The following CCDC158 variants were observed in gnomAD, a reference collection of about 807,000 sequenced individuals.
CCDC158 encodes the protein coiled-coil domain-containing protein 158.
In CCDC158, 116 loss-of-function variants were observed where a neutral mutation model predicts 138.6. That is an observed-to-expected ratio of 0.84 (90% CI 0.72 to 0.98). The LOEUF (loss-of-function observed/expected upper bound fraction) is 0.98, where lower values mean the gene tolerates loss of function less well. Among genes scored for constraint, CCDC158 ranks in the 50% least tolerant of loss-of-function variants. The pLI is 0.00. For synonymous variants in CCDC158, 436 were observed against 442.4 expected (o/e 0.99, Z 0.18); for missense variants, 1,265 against 1,306.1 (o/e 0.97, Z 0.48).
chr4:76,349,632 C>T (rs1039062321), intron 18 of CCDC158, among the ~76,000 whole-genome samples: 7 of 152,132 alleles, frequency 4.6e-5, no homozygotes, highest in African/African-American at 1.7e-4. Flanking sequence ...TGCACCATTG[C>T]ACTCCAGCCT....
intron 24 of CCDC158, among the ~76,000 whole-genome samples, chr4:76,320,575 T>A (rs1171629121): frequency 6.6e-6 from 1 of 152,148 alleles, no homozygotes; most frequent in Non-Finnish European, 1.5e-5. Flanking sequence ...AACAGCATGG[T>A]ACTGGTATAA....
rs80317288 is a variant in CCDC158, at chr4:76,375,265, A to G, written c.1030-3729T>C. On this transcript the variant is annotated intron_variant, in intron 9 of 24. Coordinates refer to ENST00000682701, the MANE Select transcript of CCDC158 (RefSeq NM_001394954.1). ...ATGAATGCACTTTTTGGTTTGGATC[A>G]CTGGACAAATGAGTATTGGGATTTC... The G allele has an allele frequency of 4.7e-3, 1,583 of 333,550 alleles. 20 individuals are homozygous for G. The highest frequency in any genetic ancestry group is 0.03 in the African/African-American group (1,402 of 47,420). The allele number at this position is 333,550 out of a possible 1,614,324, so 20.7% of individuals were successfully genotyped here.
chr4:76,321,015 G>A lies in CCDC158; in HGVS notation c.3277+2287C>T, dbSNP rs1197210014. Among the ~76,000 whole-genome samples the A allele has an allele frequency of 7.2e-5, 11 of 152,214 alleles. No individual in the cohort carries two copies. In the East Asian group the frequency reaches 2.1e-3, roughly 29 times the overall value. On this transcript the variant is annotated intron_variant, in intron 24 of 24. Transcript: ENST00000682701. ...GAAAATATTTGCAAACTGTGCATCTGACAAAGGACTAATATCCAGAATCTA... is the reference window on the plus strand; with the variant it reads ...GAAAATATTTGCAAACTGTGCATCTAACAAAGGACTAATATCCAGAATCTA...
At chr4:76,315,080 G>A (rs546879918) in intron 24 of CCDC158, among the ~76,000 whole-genome samples, 2 of 152,252 alleles carry the variant, frequency 1.3e-5, no homozygotes, top group Admixed American at 6.5e-5. Flanking sequence ...AGACACTGGC[G>A]CTGTTAGCAG....
chr4:76,384,377 T>C lies in CCDC158; in HGVS notation c.437A>G (p.Gln146Arg). The C allele has an allele frequency of 6.2e-7, 1 of 1,613,966 alleles. No homozygotes were observed. The highest frequency in any genetic ancestry group is 1.3e-5 in the African/African-American group (1 of 75,058). ...AAGTTCATGAACTGTATTTTGAAGC[T>C]GATTTCTTAAATCCTCCTGGGACTG... ...ESQSQEDLRNQLQNTVHELEA... is the reference protein window; with the variant it reads ...ESQSQEDLRNRLQNTVHELEA... Residue 146 changes from glutamine to arginine, a missense_variant, in exon 6 of 25, where the codon CAG (glutamine) becomes CGG (arginine). Coordinates refer to ENST00000682701, the MANE Select transcript of CCDC158 (RefSeq NM_001394954.1).
chr4:76,420,652 GAC>G (rs1012827453), intron 1 of CCDC158, among the ~76,000 whole-genome samples: 9 of 152,206 alleles, frequency 5.9e-5, no homozygotes, highest in African/African-American at 2.2e-4. Context: ...CAGCGCGGTA[GAC>G]ACAGAGTCAG....
chr4:76,407,741 A>G (rs1728948500), intron 2 of CCDC158, among the ~76,000 whole-genome samples: 1 of 152,224 alleles, frequency 6.6e-6, no homozygotes, highest in African/African-American at 2.4e-5. Context: ...ATTCACTATC[A>G]AAGACTTTAG....
rs187071315 is a variant in CCDC158, at chr4:76,379,781, C to T, written c.915-377G>A. Among the ~76,000 whole-genome samples the T allele has an allele frequency of 9.6e-3, 1,392 of 145,348 alleles. 19 individuals carry two copies. Among genetic ancestry groups the T allele is most frequent in the African/African-American group, 0.033 (1,318 of 39,546 alleles). On this transcript the variant is annotated intron_variant, in intron 8 of 24. Transcript: ENST00000682701. The stretch of plus-strand genomic sequence containing the variant: ...ACACACACACACACACACACACACA[C>T]GGTTTGGCTCTGTGTCCCCACCCAA...
Position 76,384,419 on chromosome 4 carries a change from T to C in CCDC158, c.399-4A>G, listed in dbSNP as rs375977038. The C allele has an allele frequency of 3.2e-5, 51 of 1,598,458 alleles. No homozygotes were observed. Among genetic ancestry groups the C allele is most frequent in the Non-Finnish European group, 4.2e-5 (49 of 1,171,690 alleles). The stretch of plus-strand genomic sequence containing the variant: ...CTGGGACTGACTCTCCCTTCGTCTA[T>C]GAAATAAATGAAAGAAAATAAATAA... On this transcript the variant is annotated splice_polypyrimidine_tract_variant and splice_region_variant and intron_variant, in intron 5 of 24. Coordinates refer to ENST00000682701, the MANE Select transcript of CCDC158 (RefSeq NM_001394954.1).
chr4:76,389,610 A>G (rs888744764), intron 4 of CCDC158, among the ~76,000 whole-genome samples: 4 of 152,184 alleles, frequency 2.6e-5, no homozygotes, highest in South Asian at 2.1e-4. Flanking sequence ...CAACTACAAG[A>G]AGGTTACAGA....
intron 1 of CCDC158, among the ~76,000 whole-genome samples, chr4:76,414,721 G>A (rs28876507): frequency 0.029 from 4,463 of 152,210 alleles, 220 homozygotes; most frequent in African/African-American, 0.1. Flanking sequence ...AGGGTTTTCC[G>A]CTTTTGCTTC....
chr4:76,401,237 G>T, intron 3 of CCDC158: 1 of 390,652 alleles, frequency 2.6e-6, no homozygotes, highest in Non-Finnish European at 5.1e-6. Flanking sequence ...TTCGCCAGTA[G>T]CACTCCCACA....
chr4:76,329,241 G>A (rs544648501), intron 21 of CCDC158, among the ~76,000 whole-genome samples: 17 of 152,028 alleles, frequency 1.1e-4, no homozygotes, highest in Non-Finnish European at 2.2e-4. Context: ...TAAAATCCAC[G>A]TCATCTGTTC....
intron 18 of CCDC158, chr4:76,345,695 A>C (rs1323102852): frequency 1.6e-6 from 1 of 630,114 alleles, no homozygotes; most frequent in Non-Finnish European, 2.9e-6. Context: ...CTTTAGTTTA[A>C]AATTATGTGA....
chr4:76,357,399 C>G lies in CCDC158; in HGVS notation c.2148G>C (p.Lys716Asn). 1.9e-6 allele frequency: 3 copies of G among 1,586,672 alleles called. No homozygotes were observed. The highest frequency in any genetic ancestry group is 2.6e-6 in the Non-Finnish European group (3 of 1,169,492). Residue 716 changes from lysine to asparagine, a missense_variant, in exon 14 of 25, where the codon AAG becomes AAC. Transcript: ENST00000682701. The stretch of plus-strand genomic sequence containing the variant: ...CATGACCATCAGATCCTTCCATTGA[C>G]TTTAATGTATTTCTTGTCTGTTCTA... ...SELEQTRNTL[K>N]SMEGSDGHAM...
At chr4:76,380,477 G>T (rs1023733036) in intron 8 of CCDC158, among the ~76,000 whole-genome samples, 1 of 152,174 alleles carries the variant, frequency 6.6e-6, no homozygotes, top group Non-Finnish European at 1.5e-5. Flanking sequence ...AGATGATTCA[G>T]GGTGTCGGGC....
Position 76,379,345 on chromosome 4 carries a change from G to A in CCDC158, c.974C>T (p.Thr325Ile). 6.2e-7 allele frequency: 1 copy of A among 1,610,594 alleles called. No individual in the cohort carries two copies. Among genetic ancestry groups the A allele is most frequent in the Non-Finnish European group, 8.5e-7 (1 of 1,178,908 alleles). ...TAATTCAGAACGTAGCTGAGAAACA[G>A]TAGATTCCAGATCGCTGAGCTGACG... is the stretch of plus-strand genomic sequence containing the variant. Reference protein sequence around the residue: ...YMRQLSDLESTVSQLRSELRE... With the variant: ...YMRQLSDLESIVSQLRSELRE... The change falls in exon 9 of 25, where the codon ACT becomes ATT. Residue 325 changes from threonine to isoleucine, a missense_variant. Coordinates refer to ENST00000682701, the MANE Select transcript of CCDC158 (RefSeq NM_001394954.1).
At chr4:76,346,298 G>A (rs979876970) in intron 18 of CCDC158, among the ~76,000 whole-genome samples, 2 of 152,154 alleles carry the variant, frequency 1.3e-5, no homozygotes, top group African/African-American at 4.8e-5. Flanking sequence ...AGAGAACCTA[G>A]GCAATACCAT....
At chr4:76,404,992 C>T (rs1003283531) in intron 2 of CCDC158, among the ~76,000 whole-genome samples, 19 of 152,082 alleles carry the variant, frequency 1.2e-4, no homozygotes, top group African/African-American at 4.6e-4. Flanking sequence ...CTATTTAAAA[C>T]TATAATCCAA....
Sources: gnomAD v4.1 joint callset for allele counts (sites outside exome capture counted in the v4.1 genomes callset) on GRCh38, gnomAD v4.1.1 for gene constraint, MANE v1.5 for transcripts, NCBI Gene and HGNC (gene_info 2026-07-23, HGNC 2026-07-21) for gene names.